FMN2: variants seen among roughly 807,000 people sequenced by gnomAD.
The protein encoded by FMN2 is formin-2.
A neutral mutation model predicts 142.3 loss-of-function variants in FMN2; 51 were observed. The ratio of observed to expected loss-of-function variants is 0.36; its 90% confidence interval spans 0.29 to 0.45. The LOEUF (loss-of-function observed/expected upper bound fraction) is 0.45, where lower values mean the gene tolerates loss of function less well. Ranked by LOEUF, FMN2 falls within the 20% of genes least tolerant of loss-of-function variation. The probability of loss-of-function intolerance (pLI) is 1.00; values close to 1 mark genes in which losing one functional copy is unlikely to be tolerated. For missense variants in FMN2, 1,936 were observed against 2,122.8 expected (o/e 0.91, Z 1.73); for synonymous variants, 882 against 869.8 (o/e 1.01, Z -0.25).
At chr1:240,302,393 G>C (rs1670230425) in intron 8 of FMN2, among the ~76,000 whole-genome samples, 1 of 151,246 alleles carries the variant, frequency 6.6e-6, no homozygotes, top group Admixed American at 6.6e-5. Context: ...ACTTATCAAG[G>C]GACAAGTCCA....
chr1:240,365,404 C>T (rs1672636996), intron 14 of FMN2, among the ~76,000 whole-genome samples: 1 of 151,808 alleles, frequency 6.6e-6, no homozygotes, highest in Non-Finnish European at 1.5e-5. Context: ...CTTTTCATTT[C>T]CATTATGAAA....
intron 5 of FMN2, among the ~76,000 whole-genome samples, chr1:240,209,882 C>G (rs374633450): frequency 6.6e-6 from 1 of 151,640 alleles, no homozygotes; most frequent in Non-Finnish European, 1.5e-5. Context: ...CCAGCCTGGG[C>G]GACAGAGCGA....
rs752083848 is a variant in FMN2 at position 240,429,177 on chromosome 1, T to G, written c.4911-8884T>G. Among the ~76,000 whole-genome samples the G allele has an allele frequency of 4.5e-4, 69 of 152,334 alleles. 1 individual carries two copies. Among genetic ancestry groups the G allele is most frequent in the African/African-American group, 1.5e-3 (62 of 41,582 alleles). On this transcript the variant is annotated intron_variant, in intron 15 of 17. Coordinates refer to ENST00000319653, the MANE Select transcript of FMN2 (RefSeq NM_020066.5). ...GTCTGAGTTTTTAAAATTTTGAGTT[T>G]TGTTTTCATAGCCTTTATCATTTTA...
At chr1:240,321,342 T>C (rs946294965) in intron 8 of FMN2, among the ~76,000 whole-genome samples, 2 of 152,192 alleles carry the variant, frequency 1.3e-5, no homozygotes, top group Admixed American at 6.5e-5. Context: ...ATGTTGGAAG[T>C]CTTTTATCCA....
chr1:240,402,852 ATTAC>A (rs1674035687), intron 15 of FMN2, among the ~76,000 whole-genome samples: 1 of 152,246 alleles, frequency 6.6e-6, no homozygotes, highest in African/African-American at 2.4e-5. Flanking sequence ...AATCTGCTTT[ATTAC>A]TTAATGAACT....
intron 16 of FMN2, among the ~76,000 whole-genome samples, chr1:240,468,637 A>G (rs1231870240): frequency 1.3e-5 from 2 of 152,210 alleles, no homozygotes; most frequent in Non-Finnish European, 2.9e-5. Flanking sequence ...CCTTTTCACT[A>G]AAAGCCTTTC....
chr1:240,292,892 G>GA (rs1669843190), intron 7 of FMN2, among the ~76,000 whole-genome samples: 1 of 151,954 alleles, frequency 6.6e-6, no homozygotes, highest in African/African-American at 2.4e-5. Flanking sequence ...ATTTTGCCCT[G>GA]AAAACTGCTC....
chr1:240,210,673 G>A lies in FMN2; in HGVS notation c.3921-418G>A, dbSNP rs150639835. Among the ~76,000 whole-genome samples the A allele has an allele frequency of 1.8e-4, 28 of 152,278 alleles. 1 individual carries two copies. In the East Asian group the frequency reaches 5.4e-3, roughly 29 times the overall value. On this transcript the variant is annotated intron_variant, in intron 5 of 17. Transcript: ENST00000319653. ...ACAAATAACAATGGGGTGATGGGAG[G>A]CAGTAGGAGGGAGAGGATGCCATCC...
At chr1:240,396,518 T>C (rs998007750) in intron 15 of FMN2, among the ~76,000 whole-genome samples, 1 of 152,018 alleles carries the variant, frequency 6.6e-6, no homozygotes, top group Non-Finnish European at 1.5e-5. Context: ...CATGGGTACA[T>C]TGCACGACAC....
At chr1:240,145,745 A>G (rs1358609923) in intron 2 of FMN2, among the ~76,000 whole-genome samples, 2 of 151,908 alleles carry the variant, frequency 1.3e-5, no homozygotes, top group East Asian at 3.9e-4. Context: ...CTTGGCCTCA[A>G]GTGATCCTCC....
At chr1:240,096,672 T>TA (rs1661210231) in intron 1 of FMN2, among the ~76,000 whole-genome samples, 1 of 152,258 alleles carries the variant, frequency 6.6e-6, no homozygotes, top group African/African-American at 2.4e-5. Context: ...ATTATATCTA[T>TA]AAGCTTCCAT....
At chr1:240,297,483 C>G (rs932136469) in intron 8 of FMN2, among the ~76,000 whole-genome samples, 1 of 150,238 alleles carries the variant, frequency 6.7e-6, no homozygotes, top group African/African-American at 2.5e-5. Flanking sequence ...GTAATCCCAG[C>G]TACTCGGGAG....
intron 14 of FMN2, among the ~76,000 whole-genome samples, chr1:240,390,343 A>G (rs1673563704): frequency 1.3e-5 from 2 of 152,192 alleles, no homozygotes. Context: ...CTTTGGTTTT[A>G]TATTTTGTTC....
intron 5 of FMN2, 105 bp from the exon 6 acceptor site, chr1:240,210,975 TTTCCCTCCTTC>T: frequency 1.1e-6 from 1 of 884,292 alleles, no homozygotes; most frequent in South Asian, 2.1e-5. Flanking sequence ...CTCTCTTCTT[TTTCCCTCCTTC>T]CCTCCTGCTG....
Position 240,308,876 on chromosome 1 carries a change from G to C in FMN2, c.4215+13993G>C, listed in dbSNP as rs77411660. On this transcript the variant is annotated intron_variant, in intron 8 of 17. Transcript: ENST00000319653. ...CAATTTTTGGCCTGGGCAATAGGAAGGGATTGCCATTAGCTGATAAGTGGA... is the reference window on the plus strand; with the variant it reads ...CAATTTTTGGCCTGGGCAATAGGAACGGATTGCCATTAGCTGATAAGTGGA... Among the ~76,000 whole-genome samples, 1,295 of 152,268 alleles carry C rather than the reference G, an allele frequency of 8.5e-3. 18 individuals are homozygous for C. Among genetic ancestry groups the C allele is most frequent in the African/African-American group, 0.03 (1,255 of 41,538 alleles).
At chr1:240,184,471 C>T (rs1453651247) in intron 3 of FMN2, among the ~76,000 whole-genome samples, 1 of 150,072 alleles carries the variant, frequency 6.7e-6, no homozygotes, top group Non-Finnish European at 1.5e-5. Context: ...CCGCCTCGGC[C>T]TCCCGAAGTG....
At chr1:240,246,035 C>A (rs1668071220) in intron 6 of FMN2, among the ~76,000 whole-genome samples, 1 of 152,070 alleles carries the variant, frequency 6.6e-6, no homozygotes, top group Non-Finnish European at 1.5e-5. Flanking sequence ...AAAAAATTAG[C>A]CGGGCATGGT....
chr1:240,160,300 A>G (rs1173891359), intron 2 of FMN2, among the ~76,000 whole-genome samples: 1 of 151,544 alleles, frequency 6.6e-6, no homozygotes, highest in Non-Finnish European at 1.5e-5. Context: ...TATTAATGAA[A>G]TATTTGCAAA....
At chr1:240,276,542 T>C (rs968666609) in intron 7 of FMN2, among the ~76,000 whole-genome samples, 22 of 152,300 alleles carry the variant, frequency 1.4e-4, no homozygotes, top group African/African-American at 4.6e-4. Context: ...GAAATAATCA[T>C]GTGAACACTT....
Sources: gnomAD v4.1 joint callset for allele counts (sites outside exome capture counted in the v4.1 genomes callset) on GRCh38, gnomAD v4.1.1 for gene constraint, MANE v1.5 for transcripts, NCBI Gene and HGNC (gene_info 2026-07-23, HGNC 2026-07-21) for gene names.